ARID1B: variants seen among roughly 807,000 people sequenced by gnomAD.
ARID1B encodes AT-rich interactive domain-containing protein 1B.
Under a neutral mutation model 212.3 loss-of-function variants are expected in ARID1B, and 30 were observed. The observed-to-expected ratio is 0.14, with a 90% confidence interval of 0.11 to 0.19. The LOEUF is 0.19. Ranked by LOEUF, ARID1B falls within the 10% of genes least tolerant of loss-of-function variation. The pLI, the probability that ARID1B is intolerant of heterozygous loss-of-function variation, is 1.00. For synonymous variants in ARID1B, 1,402 were observed against 1,301.7 expected, an observed-to-expected ratio of 1.08 and a Z score of -1.66; for missense variants, 2,891 against 3,204.0, an observed-to-expected ratio of 0.90 and a Z score of 2.36.
chr6:157,140,675 T>A (rs1789281107), intron 7 of ARID1B: 2 of 398,670 alleles, frequency 5.0e-6, no homozygotes, highest in East Asian at 7.1e-5. Context: ...CAGAACCAGA[T>A]GGCGAGACCC....
In ARID1B at chr6:156,935,557, A is replaced by C; in HGVS notation, c.2228A>C (p.Glu743Ala). The part of the protein sequence containing the change: ...NHEDLNLIQQ[E>A]RPSSLPDLSG... ...GAAGACTTGAACTTAATACAGCAAG[A>C]AAGACCATCAAGTTTACCAGTAAGA... is the stretch of plus-strand genomic sequence containing the variant. Residue 743 changes from glutamate (E) to alanine (A), a missense_variant, in exon 4 of 20, where the codon GAA becomes GCA. Around this residue, in one of 7 missense-constraint regions of ARID1B, gnomAD observed 1,643 missense variants for 1,544.0 expected, o/e 1.06. Transcript: ENST00000636930. The C allele has an allele frequency of 6.2e-7, 1 of 1,612,072 alleles. No individual in the cohort carries two copies.
intron 4 of ARID1B, among the ~76,000 whole-genome samples, chr6:157,029,124 G>A (rs924956502): frequency 1.3e-5 from 2 of 152,094 alleles, no homozygotes; most frequent in Non-Finnish European, 2.9e-5. Flanking sequence ...AGGAATTTAA[G>A]GTCTACTCTT....
chr6:157,124,567 T>G (rs764010096), intron 6 of ARID1B, among the ~76,000 whole-genome samples: 4 of 152,208 alleles, frequency 2.6e-5, no homozygotes, highest in Non-Finnish European at 5.9e-5. Context: ...TAAAAACAGC[T>G]GGAGCAAAGG....
At chr6:157,044,936 G>A (rs765353937) in intron 4 of ARID1B, among the ~76,000 whole-genome samples, 1 of 152,100 alleles carries the variant, frequency 6.6e-6, no homozygotes, top group Non-Finnish European at 1.5e-5. Flanking sequence ...CAAGTATGTA[G>A]ATGACACAGA....
intron 8 of ARID1B, among the ~76,000 whole-genome samples, chr6:157,156,339 T>C (rs1409356101): frequency 6.6e-6 from 1 of 152,252 alleles, no homozygotes; most frequent in Non-Finnish European, 1.5e-5. Context: ...CTTTGCATTA[T>C]CATCTAAATA....
At chr6:157,021,187 C>T (rs1780222864) in intron 4 of ARID1B, among the ~76,000 whole-genome samples, 1 of 152,254 alleles carries the variant, frequency 6.6e-6, no homozygotes, top group South Asian at 2.1e-4. Context: ...TCAGGCCTCG[C>T]TTTCCGGTCC....
chr6:156,829,588 A>G (rs1196185519), intron 2 of ARID1B, 167 bp downstream of exon 2: 6 of 798,298 alleles, frequency 7.5e-6, no homozygotes, highest in Non-Finnish European at 1.1e-5. Flanking sequence ...TTTTCTTTTA[A>G]AGATGGAAAG....
chr6:157,088,690 A>G (rs950405427), intron 5 of ARID1B, among the ~76,000 whole-genome samples: 1 of 152,198 alleles, frequency 6.6e-6, no homozygotes, highest in African/African-American at 2.4e-5. Flanking sequence ...ACTTTCACCT[A>G]AATGCAAATA....
chr6:157,052,871 C>T (rs1394361334), intron 4 of ARID1B, among the ~76,000 whole-genome samples: 1 of 151,704 alleles, frequency 6.6e-6, no homozygotes, highest in Non-Finnish European at 1.5e-5. Context: ...AGGCACATGC[C>T]ACCATGCCCA....
intron 1 of ARID1B, among the ~76,000 whole-genome samples, chr6:156,802,017 C>T (rs1432002420): frequency 6.6e-6 from 1 of 152,358 alleles, no homozygotes; most frequent in East Asian, 1.9e-4. Flanking sequence ...TATTGCAGTA[C>T]TGAATGTTTA....
chr6:156,826,117 A>C (rs1311149754), intron 1 of ARID1B, among the ~76,000 whole-genome samples: 1 of 152,182 alleles, frequency 6.6e-6, no homozygotes, highest in Non-Finnish European at 1.5e-5. Context: ...TGAAAGTAGT[A>C]ACAGTTTAAA....
intron 3 of ARID1B, among the ~76,000 whole-genome samples, chr6:156,902,623 A>G (rs888904379): frequency 3.3e-5 from 5 of 150,930 alleles, no homozygotes; most frequent in African/African-American, 1.2e-4. Flanking sequence ...ACCCAGTACA[A>G]TCTTGTTTTT....
intron 4 of ARID1B, among the ~76,000 whole-genome samples, chr6:157,014,884 T>TA (rs10601743): frequency 7.5e-4 from 106 of 142,156 alleles, no homozygotes; most frequent in South Asian, 4.0e-3. Flanking sequence ...ATGCCAGGAA[T>TA]AAAAAAAAAA....
In ARID1B at chr6:157,148,549, G is replaced by T; in HGVS notation, c.2762-75G>T. The T allele has an allele frequency of 6.7e-7, 1 of 1,493,028 alleles. No individual in the cohort carries two copies. Among genetic ancestry groups the T allele is most frequent in the Non-Finnish European group, 9.1e-7 (1 of 1,101,726 alleles). 92.5% of individuals were successfully genotyped at this position (1,493,028 alleles called of 1,614,324 possible). On this transcript the variant is annotated intron_variant, in intron 7 of 19. Transcript: ENST00000636930. The surrounding 1 kb of genome is among the most constrained non-coding windows in gnomAD (Gnocchi z 5.6). ...ATACTCCGTGCTGATCGCATTGTTG[G>T]ACAAAAAGTATTTCCAGTGAATGTT... is the stretch of plus-strand genomic sequence containing the variant.
At chr6:156,883,778 G>GT (rs1243501563) in intron 2 of ARID1B, among the ~76,000 whole-genome samples, 1 of 152,172 alleles carries the variant, frequency 6.6e-6, no homozygotes, top group Non-Finnish European at 1.5e-5. Context: ...GAGGTAAGCT[G>GT]TTACCTGTTC....
intron 1 of ARID1B, among the ~76,000 whole-genome samples, chr6:156,813,053 TGTATATACATATATATATAC>T (rs1163340339): frequency 2.1e-5 from 3 of 146,286 alleles, no homozygotes; most frequent in South Asian, 2.1e-4. Flanking sequence ...CACATACGTA[TGTATATACATATATATATAC>T]ACACATACGT....
intron 2 of ARID1B, among the ~76,000 whole-genome samples, chr6:156,855,846 C>A (rs1784888086): frequency 6.6e-6 from 1 of 152,124 alleles, no homozygotes; most frequent in African/African-American, 2.4e-5. Context: ...GATGGCTACT[C>A]TTAGAGGATC....
chr6:156,924,515 C>G (rs1272891543), intron 3 of ARID1B, among the ~76,000 whole-genome samples: 1 of 152,166 alleles, frequency 6.6e-6, no homozygotes, highest in East Asian at 1.9e-4. Flanking sequence ...CCTAAGTGAC[C>G]AGTGGATGGG....
rs769767772 is a variant in ARID1B at position 157,206,449 on chromosome 6, G to A, written c.5677G>A (p.Ala1893Thr). The change falls in exon 20 of 20, where the codon GCC (alanine) becomes ACC (threonine). Residue 1893 changes from alanine to threonine, a missense_variant. Transcript: ENST00000636930. This position sits in a 1 kb window ranked among gnomAD's most constrained non-coding sequence, Gnocchi z 6.8. ...CAGCATCGCTCTGACTGCCCCGGAC[G>A]CCGCTGCAGACCCAAAGGAGAAGCC... ...KSSIALTAPD[A>T]AADPKEKPKQ... 9.9e-6 allele frequency: 16 copies of A among 1,613,902 alleles called. No homozygotes were observed. The highest frequency in any genetic ancestry group is 9.9e-5 in the South Asian group (9 of 91,068).
Sources: gnomAD v4.1 joint callset for allele counts (sites outside exome capture counted in the v4.1 genomes callset) on GRCh38, gnomAD v4.1.1 for gene constraint, gnomAD v4.1.1 regional missense constraint, Gnocchi (gnomAD v3.1) non-coding constraint, MANE v1.5 for transcripts, NCBI Gene and HGNC (gene_info 2026-07-23, HGNC 2026-07-21) for gene names.